The following SORCS2 variants were observed in gnomAD, a reference collection of about 807,000 sequenced individuals.
The protein encoded by SORCS2 is VPS10 domain-containing receptor SorCS2.
In SORCS2, 100 loss-of-function variants were observed where a neutral mutation model predicts 141.6. That is an observed-to-expected ratio of 0.71 (90% confidence interval 0.60 to 0.83). The LOEUF (loss-of-function observed/expected upper bound fraction) is 0.83. Among genes scored for constraint, SORCS2 ranks in the 40% least tolerant of loss-of-function variants. The pLI is 0.00. For synonymous variants in SORCS2, 789 were observed against 676.9 expected, an observed-to-expected ratio of 1.17 and a Z score of -2.57; for missense variants, 1,646 against 1,560.2, an observed-to-expected ratio of 1.05 and a Z score of -0.93.
intron 3 of SORCS2, among the ~76,000 whole-genome samples, chr4:7,623,037 T>A (rs921818367): frequency 3.3e-5 from 5 of 152,000 alleles, no homozygotes; most frequent in Non-Finnish European, 5.9e-5. Context: ...AGAGGGCAGA[T>A]GAAGGACAGA....
At chr4:7,461,309 G>A (rs577046259) in intron 2 of SORCS2, among the ~76,000 whole-genome samples, 3 of 152,048 alleles carry the variant, frequency 2.0e-5, no homozygotes, top group Non-Finnish European at 4.4e-5. Context: ...TGGAGCCCCC[G>A]CCCTCCTTCC....
At chr4:7,673,394 G>C (rs930555631) in intron 8 of SORCS2, among the ~76,000 whole-genome samples, 1 of 152,224 alleles carries the variant, frequency 6.6e-6, no homozygotes, top group Non-Finnish European at 1.5e-5. Context: ...GTTATGTTGA[G>C]AACGCTGACG....
intron 1 of SORCS2, among the ~76,000 whole-genome samples, chr4:7,308,055 A>C (rs113858795): frequency 3.9e-5 from 6 of 152,072 alleles, no homozygotes; most frequent in African/African-American, 1.4e-4. Context: ...TTGGCTCCCT[A>C]TGGACCCTCT....
At chr4:7,725,104 T>A (rs2148883914) in intron 19 of SORCS2, 50 bp from the exon 20 acceptor site, 1 of 1,575,456 alleles carries the variant, frequency 6.3e-7, no homozygotes, top group East Asian at 2.3e-5. Context: ...GCCTCTGAAA[T>A]GCCCCATGCC....
At chr4:7,500,069 C>T (rs749225730) in intron 2 of SORCS2, among the ~76,000 whole-genome samples, 5 of 152,214 alleles carry the variant, frequency 3.3e-5, no homozygotes, top group Admixed American at 6.5e-5. Flanking sequence ...GACACAAGCT[C>T]TGACCTCACG....
rs1727484885 is a variant in SORCS2, at chr4:7,201,579, G to C, written c.480+8453G>C. On this transcript the variant is annotated intron_variant, in intron 1 of 26. Coordinates refer to ENST00000507866, the MANE Select transcript of SORCS2 (RefSeq NM_020777.3). This position sits in a 1 kb window ranked among gnomAD's most constrained non-coding sequence, Gnocchi z 4.4. Reference sequence around the variant, plus strand: ...GATTCGATGGAGAGCAGACTGGAGTGACGGGCGAATCAGCTGGGACGCTGC... The same window carrying C: ...GATTCGATGGAGAGCAGACTGGAGTCACGGGCGAATCAGCTGGGACGCTGC... Among the ~76,000 whole-genome samples the C allele has an allele frequency of 6.6e-6, 1 of 152,200 alleles. No homozygotes were observed. Among genetic ancestry groups the C allele is most frequent in the South Asian group, 2.1e-4 (1 of 4,824 alleles).
intron 1 of SORCS2, among the ~76,000 whole-genome samples, chr4:7,387,498 C>T: frequency 6.6e-6 from 1 of 151,384 alleles, no homozygotes; most frequent in South Asian, 2.1e-4. Flanking sequence ...TACACATGCA[C>T]ACAAATACAG....
chr4:7,298,940 G>A (rs1717253839), intron 1 of SORCS2, among the ~76,000 whole-genome samples: 1 of 152,248 alleles, frequency 6.6e-6, no homozygotes, highest in Non-Finnish European at 1.5e-5. Context: ...AGGCCGGTGG[G>A]AAGATAATTA....
chr4:7,526,177 G>T (rs1299913785), intron 2 of SORCS2, among the ~76,000 whole-genome samples: 1 of 152,254 alleles, frequency 6.6e-6, no homozygotes, highest in African/African-American at 2.4e-5. Flanking sequence ...TTGCTCATCT[G>T]CTGGGACCGC....
intron 1 of SORCS2, among the ~76,000 whole-genome samples, chr4:7,360,717 G>A (rs1721532418): frequency 6.6e-6 from 1 of 150,624 alleles, no homozygotes; most frequent in Non-Finnish European, 1.5e-5. Flanking sequence ...CGAGTAGCTG[G>A]GACTATAGGC....
intron 1 of SORCS2, among the ~76,000 whole-genome samples, chr4:7,366,333 G>A (rs1027428039): frequency 2.0e-5 from 3 of 151,858 alleles, no homozygotes; most frequent in South Asian, 2.1e-4. Context: ...CGGTGAGTGC[G>A]TGGTGGCTGG....
chr4:7,391,226 C>T (rs1723840708), intron 1 of SORCS2, among the ~76,000 whole-genome samples: 1 of 152,234 alleles, frequency 6.6e-6, no homozygotes, highest in Non-Finnish European at 1.5e-5. Context: ...ATGCTGTTCA[C>T]AGGTGAAGAC....
At chr4:7,222,109 C>G (rs921656591) in intron 1 of SORCS2, among the ~76,000 whole-genome samples, 1 of 152,112 alleles carries the variant, frequency 6.6e-6, no homozygotes, top group Non-Finnish European at 1.5e-5. Context: ...ATGGAATGAA[C>G]TGGGCATGTA....
chr4:7,718,082 T>C lies in SORCS2; in HGVS notation c.2323T>C (p.Cys775Arg), dbSNP rs1726315787. The C allele has an allele frequency of 6.2e-7, 1 of 1,611,776 alleles. No homozygotes were observed. The highest frequency in any genetic ancestry group is 8.5e-7 in the Non-Finnish European group (1 of 1,179,104). The change falls in exon 18 of 27, where the codon TGC becomes CGC. Residue 775 changes from cysteine (C) to arginine (R), a missense_variant. By Grantham distance (180) the Cys-to-Arg change is radical (BLOSUM62 -3). Coordinates refer to ENST00000507866, the MANE Select transcript of SORCS2 (RefSeq NM_020777.3). The part of the protein sequence containing the change: ...DMQQSQVQLQ[C>R]PLTPPRGLQV... ...GCAGCAGAGTCAGGTGCAGCTGCAG[T>C]GCCCCCTCACGCCGCCCCGGGGCCT...
At chr4:7,561,632 T>C (rs115770120) in intron 3 of SORCS2, among the ~76,000 whole-genome samples, 2,637 of 112,746 alleles carry the variant, frequency 0.023, 94 homozygotes, top group African/African-American at 0.095. Context: ...ATCTACCCAT[T>C]CATCTACCCA....
rs117716414 is a variant in SORCS2 at position 7,416,515 on chromosome 4, T to C, written c.548+20160T>C. On this transcript the variant is annotated intron_variant, in intron 2 of 26. Transcript: ENST00000507866. ...TCACACAGACACGCACGCTTCCTCC[T>C]CCATACTGACACACTCACACACGCC... Among the ~76,000 whole-genome samples the C allele has an allele frequency of 7.3e-4, 111 of 151,066 alleles. No homozygotes were observed. The East Asian group carries it at 0.019, about 26-fold the overall frequency.
chr4:7,612,022 A>T (rs1303250077), intron 3 of SORCS2, among the ~76,000 whole-genome samples: 1 of 152,188 alleles, frequency 6.6e-6, no homozygotes, highest in Non-Finnish European at 1.5e-5. Flanking sequence ...GTGATGGGGA[A>T]TGTGGTGTGG....
intron 14 of SORCS2, among the ~76,000 whole-genome samples, chr4:7,705,178 CG>C (rs1725349832): frequency 6.6e-6 from 1 of 152,018 alleles, no homozygotes; most frequent in Non-Finnish European, 1.5e-5. Context: ...GGGAGGAGGC[CG>C]GGGAGGGAGG....
At chr4:7,252,191 TGGG>T (rs1374294917) in intron 1 of SORCS2, among the ~76,000 whole-genome samples, 1 of 152,082 alleles carries the variant, frequency 6.6e-6, no homozygotes, top group African/African-American at 2.4e-5. Flanking sequence ...TTGTGGAGGC[TGGG>T]GAGTCGCCAA....
Sources: allele counts gnomAD v4.1 joint callset (sites outside exome capture counted in the v4.1 genomes callset), GRCh38; gene constraint gnomAD v4.1.1; non-coding constraint Gnocchi (gnomAD v3.1); transcripts MANE v1.5; gene names NCBI Gene and HGNC (gene_info 2026-07-23, HGNC 2026-07-21).